Variants in CNTNAP4 observed in about 807,000 individuals in gnomAD.
CNTNAP4 encodes the protein contactin-associated protein-like 4.
A neutral mutation model predicts 148.4 loss-of-function variants in CNTNAP4; 98 were observed. That is an observed-to-expected ratio of 0.66 (90% confidence interval 0.56 to 0.78). The LOEUF (loss-of-function observed/expected upper bound fraction) is 0.78, where lower values mean the gene tolerates loss of function less well. Ranked by LOEUF, CNTNAP4 falls within the 30% of genes least tolerant of loss-of-function variation. The pLI is 0.00. For missense variants in CNTNAP4, 1,935 were observed against 1,565.6 expected (o/e 1.24, Z -3.98); for synonymous variants, 730 against 565.1 (o/e 1.29, Z -4.14).
Position 76,479,470 on chromosome 16 carries a change from G to A in CNTNAP4, c.1814G>A (p.Gly605Glu). ...TATAAGCACAGAGGAAATACTTCAGGGTTTTACTATATAGATTCAGATGGA... is the reference window on the plus strand; with the variant it reads ...TATAAGCACAGAGGAAATACTTCAGAGTTTTACTATATAGATTCAGATGGA... Reference protein sequence around the residue: ...EAYKHRGNTSGFYYIDSDGSG... With the variant: ...EAYKHRGNTSEFYYIDSDGSG... The change falls in exon 12 of 24, where the codon GGG becomes GAG. Residue 605 changes from glycine to glutamate, a missense_variant. Gly to Glu is a moderately conservative substitution (Grantham distance 98). Coordinates refer to ENST00000611870, the MANE Select transcript of CNTNAP4 (RefSeq NM_033401.5). 8.7e-6 allele frequency: 14 copies of A among 1,610,016 alleles called. No individual in the cohort carries two copies. The highest frequency in any genetic ancestry group is 1.7e-4 in the Middle Eastern group (1 of 6,044).
chr16:76,497,082 T>C (rs1364131412), intron 14 of CNTNAP4, among the ~76,000 whole-genome samples: 2 of 152,266 alleles, frequency 1.3e-5, no homozygotes, highest in South Asian at 2.1e-4. Flanking sequence ...GGATGAAAAC[T>C]CAGATCTTCA....
chr16:76,530,013 G>T (rs1223708771), intron 17 of CNTNAP4, among the ~76,000 whole-genome samples: 2 of 151,864 alleles, frequency 1.3e-5, no homozygotes, highest in East Asian at 1.9e-4. Context: ...GTTCAGATCT[G>T]TTGCCCGTTT....
chr16:76,484,456 C>G (rs1054186722), intron 12 of CNTNAP4, among the ~76,000 whole-genome samples: 3 of 152,022 alleles, frequency 2.0e-5, no homozygotes, highest in Non-Finnish European at 4.4e-5. Flanking sequence ...TCCAGTAGCT[C>G]TGGAATATTG....
At chr16:76,396,557 G>C (rs897190267) in intron 3 of CNTNAP4, among the ~76,000 whole-genome samples, 8 of 152,212 alleles carry the variant, frequency 5.3e-5, no homozygotes, top group Non-Finnish European at 1.0e-4. Context: ...TGATTACAGA[G>C]TGGTTTTGTT....
At chr16:76,503,407 A>G (rs1016977995) in intron 15 of CNTNAP4, among the ~76,000 whole-genome samples, 1 of 152,238 alleles carries the variant, frequency 6.6e-6, no homozygotes, top group Non-Finnish European at 1.5e-5. Context: ...GTGAGAATGA[A>G]TGAAATAAAA....
At chr16:76,405,080 A>T (rs969556086) in intron 3 of CNTNAP4, among the ~76,000 whole-genome samples, 1 of 152,204 alleles carries the variant, frequency 6.6e-6, no homozygotes, top group Admixed American at 6.5e-5. Flanking sequence ...AAATGAGGAA[A>T]ATCATTTAAT....
intron 3 of CNTNAP4, among the ~76,000 whole-genome samples, chr16:76,376,960 T>C (rs1483759683): frequency 6.6e-6 from 1 of 150,788 alleles, no homozygotes; most frequent in Non-Finnish European, 1.5e-5. Context: ...TGTGTACACA[T>C]ATACATACAT....
chr16:76,495,124 T>G, intron 14 of CNTNAP4, 58 bp downstream of exon 14: 1 of 1,571,764 alleles, frequency 6.4e-7, no homozygotes, highest in Non-Finnish European at 8.7e-7. Flanking sequence ...AATTAATCAC[T>G]CAAAGTATGT....
intron 11 of CNTNAP4, among the ~76,000 whole-genome samples, chr16:76,478,752 A>T (rs185771574): frequency 2.6e-4 from 39 of 152,210 alleles, no homozygotes; most frequent in African/African-American, 8.9e-4. Context: ...CACTGAAACC[A>T]CTTGAAGGCA....
chr16:76,520,784 A>G (rs1171059030), intron 15 of CNTNAP4, among the ~76,000 whole-genome samples: 2 of 152,182 alleles, frequency 1.3e-5, no homozygotes, highest in Non-Finnish European at 2.9e-5. Context: ...TTGAAGTTAT[A>G]AAAGATTGCC....
intron 4 of CNTNAP4, among the ~76,000 whole-genome samples, chr16:76,440,584 G>C (rs12931657): frequency 0.24 from 35,987 of 151,932 alleles, 5,863 homozygotes; most frequent in African/African-American, 0.45. Flanking sequence ...TCAGAGAATA[G>C]GTTTATGGAA....
At chr16:76,449,006 T>C in intron 6 of CNTNAP4, 55 bp downstream of exon 6, 1 of 1,513,206 alleles carries the variant, frequency 6.6e-7, no homozygotes, top group Non-Finnish European at 9.1e-7. Context: ...TGTGGTTTAA[T>C]CTCCCAGAGG....
chr16:76,460,774 AT>A (rs1202475958), intron 8 of CNTNAP4, among the ~76,000 whole-genome samples: 12,994 of 51,884 alleles, frequency 0.25, 2,427 homozygotes, highest in East Asian at 0.4. Context: ...AAAAAAAAAA[AT>A]ATATATATAT....
At chr16:76,397,904 T>C (rs907896326) in intron 3 of CNTNAP4, among the ~76,000 whole-genome samples, 4 of 133,604 alleles carry the variant, frequency 3.0e-5, no homozygotes, top group Admixed American at 7.7e-5. Flanking sequence ...AGCATACATA[T>C]ATTAGGGTTC....
chr16:76,522,825 C>T (rs2083546684), intron 17 of CNTNAP4, among the ~76,000 whole-genome samples: 1 of 149,732 alleles, frequency 6.7e-6, no homozygotes, highest in African/African-American at 2.5e-5. Flanking sequence ...TGCAATAGTG[C>T]GATCTCGGCT....
At chr16:76,317,188 G>A (rs2144099230) in intron 2 of CNTNAP4, among the ~76,000 whole-genome samples, 1 of 149,440 alleles carries the variant, frequency 6.7e-6, no homozygotes, top group East Asian at 2.0e-4. Flanking sequence ...CTCAGAAGTT[G>A]GAGACAGTGA....
intron 2 of CNTNAP4, among the ~76,000 whole-genome samples, chr16:76,341,799 A>T (rs926582559): frequency 7.9e-5 from 12 of 152,222 alleles, no homozygotes; most frequent in African/African-American, 2.9e-4. Context: ...ATGTAAAGCA[A>T]GAGAAAATGA....
chr16:76,420,817 A>T (rs995585941), intron 3 of CNTNAP4, among the ~76,000 whole-genome samples: 2 of 152,064 alleles, frequency 1.3e-5, no homozygotes, highest in South Asian at 4.2e-4. Context: ...TGGACATTTA[A>T]TATTTTATTA....
At chr16:76,410,588 C>T (rs1474291075) in intron 3 of CNTNAP4, among the ~76,000 whole-genome samples, 1 of 151,746 alleles carries the variant, frequency 6.6e-6, no homozygotes, top group African/African-American at 2.4e-5. Context: ...TCACCCTCTG[C>T]TCCCAAATGA....
Sources: allele counts gnomAD v4.1 joint callset (sites outside exome capture counted in the v4.1 genomes callset), GRCh38; gene constraint gnomAD v4.1.1; transcripts MANE v1.5; gene names NCBI Gene and HGNC (gene_info 2026-07-23, HGNC 2026-07-21).